DMD: variants seen among roughly 807,000 people sequenced by gnomAD.
The protein encoded by DMD is mutant dystrophin.
A neutral mutation model predicts 330.1 loss-of-function variants in DMD; 63 were observed. The ratio of observed to expected loss-of-function variants is 0.19; its 90% confidence interval spans 0.16 to 0.24. The LOEUF is 0.24. Ranked by LOEUF, DMD falls within the 10% of genes least tolerant of loss-of-function variation. DMD has a pLI of 1.00. For synonymous variants in DMD, 1,223 were observed against 959.8 expected, an observed-to-expected ratio of 1.27 and a Z score of -5.07; for missense variants, 3,344 against 2,684.1, an observed-to-expected ratio of 1.25 and a Z score of -5.43.
chrX:31,767,417 A>AG (rs201007940), intron 51 of DMD, among the ~76,000 whole-genome samples: 14,183 of 110,957 alleles, frequency 0.13, 686 homozygotes, highest in East Asian at 0.19. Flanking sequence ...TAAGAAGTTG[A>AG]GGGGGGTGGC....
At chrX:32,153,400 T>G (rs1300409850) in intron 44 of DMD, among the ~76,000 whole-genome samples, 1 of 110,691 alleles carries the variant, frequency 9.0e-6, no homozygotes, top group South Asian at 3.8e-4. Flanking sequence ...AGGTTTGAAG[T>G]AGTGGAGAGA....
intron 74 of DMD, among the ~76,000 whole-genome samples, chrX:31,147,788 G>T (rs1026148475): frequency 6.3e-5 from 7 of 110,506 alleles, no homozygotes; most frequent in African/African-American, 2.3e-4. Context: ...TACACTAAAA[G>T]CCTCGCGACT....
At chrX:33,026,713 A>G (rs1032231779) in intron 1 of DMD, among the ~76,000 whole-genome samples, 9 of 111,870 alleles carry the variant, frequency 8.0e-5, no homozygotes, top group Non-Finnish European at 1.7e-4. Context: ...GTCTAAAATA[A>G]TTAAACTTCT....
intron 23 of DMD, among the ~76,000 whole-genome samples, chrX:32,466,241 A>G (rs753268450): frequency 9.9e-5 from 11 of 111,067 alleles, no homozygotes; most frequent in Non-Finnish European, 1.7e-4. Context: ...TGTTGAACTT[A>G]TATCATTTAA....
chrX:32,537,493 G>A (rs778346853), intron 17 of DMD, among the ~76,000 whole-genome samples: 74 of 111,059 alleles, frequency 6.7e-4, no homozygotes, highest in African/African-American at 2.3e-3. Context: ...GAAACTGCAG[G>A]AGAGAAAAAT....
chrX:31,201,734 G>A (rs937693048), intron 67 of DMD, among the ~76,000 whole-genome samples: 6 of 111,966 alleles, frequency 5.4e-5, no homozygotes, highest in South Asian at 3.7e-4. Context: ...GTACTCGGGC[G>A]AGAAAACAAA....
At chrX:32,535,989 T>A (rs986302366) in intron 17 of DMD, among the ~76,000 whole-genome samples, 7 of 111,517 alleles carry the variant, frequency 6.3e-5, no homozygotes, top group Non-Finnish European at 1.3e-4. Flanking sequence ...AGAAGTGGCC[T>A]GGCACTGTGG....
chrX:32,532,960 A>C (rs228351), intron 17 of DMD, among the ~76,000 whole-genome samples: 22,781 of 111,677 alleles, frequency 0.2, 1,778 homozygotes, highest in East Asian at 0.4. Flanking sequence ...ATAAAATTTT[A>C]CTGGAACTCA....
intron 50 of DMD, among the ~76,000 whole-genome samples, chrX:31,812,087 A>G (rs771397979): frequency 9.1e-6 from 1 of 109,954 alleles, no homozygotes; most frequent in East Asian, 2.9e-4. Context: ...GTATGACAAG[A>G]GTACATTTAA....
chrX:31,891,728 C>T (rs2094254655), intron 47 of DMD, among the ~76,000 whole-genome samples: 2 of 110,836 alleles, frequency 1.8e-5, no homozygotes, highest in African/African-American at 6.6e-5. Context: ...GCCTGCAAAG[C>T]CTAAAACATT....
chrX:32,925,145 G>GTT (rs777224221), intron 2 of DMD, among the ~76,000 whole-genome samples: 601 of 48,493 alleles, frequency 0.012, 18 homozygotes, highest in African/African-American at 0.026. Context: ...AAAACTCTGG[G>GTT]TTTTTTTTTT....
At chrX:32,053,387 T>C (rs7887541) in intron 44 of DMD, among the ~76,000 whole-genome samples, 31,598 of 110,057 alleles carry the variant, frequency 0.29, 4,906 homozygotes, top group African/African-American at 0.6. Flanking sequence ...TTTGGTCCTG[T>C]AGTAGTTTAC....
chrX:32,327,142 T>C (rs992873188), intron 41 of DMD, among the ~76,000 whole-genome samples: 1 of 108,163 alleles, frequency 9.2e-6, no homozygotes, highest in African/African-American at 3.4e-5. Flanking sequence ...TTATCTCCTG[T>C]TTCAGTCATT....
At chrX:31,527,904 T>C (rs753556365) in intron 55 of DMD, among the ~76,000 whole-genome samples, 70 of 112,051 alleles carry the variant, frequency 6.2e-4, no homozygotes, top group Admixed American at 1.6e-3. Context: ...CTTTGATATG[T>C]GTCTAACGTA....
intron 2 of DMD, among the ~76,000 whole-genome samples, chrX:32,899,149 T>C (rs1010604014): frequency 8.9e-6 from 1 of 112,351 alleles, no homozygotes; most frequent in African/African-American, 3.2e-5. Context: ...TGATTAGCAG[T>C]TGCCCATTTT....
chrX:32,464,949 A>C (rs188960862), intron 23 of DMD, among the ~76,000 whole-genome samples: 3 of 111,981 alleles, frequency 2.7e-5, no homozygotes, highest in African/African-American at 9.7e-5. Flanking sequence ...TTATGATGTT[A>C]CTCTCGAGAA....
At chrX:32,595,648 G>A (rs1208606061) in intron 13 of DMD, 109 bp downstream of exon 13, 1 of 742,582 alleles carries the variant, frequency 1.3e-6, no homozygotes, top group African/African-American at 2.1e-5. Flanking sequence ...TACACATATT[G>A]TATTCTAAGT....
At chrX:31,305,920 A>C (rs16989515) in intron 62 of DMD, among the ~76,000 whole-genome samples, 23,094 of 111,807 alleles carry the variant, frequency 0.21, 4,313 homozygotes, top group African/African-American at 0.59. Context: ...GTTTGGCAAT[A>C]AGTGTACTTT....
At chrX:31,765,749 C>T (rs1357010250) in intron 51 of DMD, among the ~76,000 whole-genome samples, 1 of 111,434 alleles carries the variant, frequency 9.0e-6, no homozygotes, top group Non-Finnish European at 1.9e-5. Flanking sequence ...ATCACTGCCT[C>T]ATCTTATTCA....
Sources: allele counts gnomAD v4.1 joint callset (sites outside exome capture counted in the v4.1 genomes callset), GRCh38; gene constraint gnomAD v4.1.1; transcripts MANE v1.5; gene names NCBI Gene and HGNC (gene_info 2026-07-23, HGNC 2026-07-21).